Variants in CASKIN2 observed in about 807,000 individuals in gnomAD.
CASKIN2 encodes CASK interacting protein 2.
Under a neutral mutation model 107.1 loss-of-function variants are expected in CASKIN2, and 41 were observed. That is an observed-to-expected ratio of 0.38 (90% CI 0.30 to 0.50). The LOEUF is 0.50. Among genes scored for constraint, CASKIN2 ranks in the 20% least tolerant of loss-of-function variants. The pLI is 0.92. For missense variants in CASKIN2, 1,546 were observed against 1,657.4 expected (o/e 0.93, Z 1.17); for synonymous variants, 724 against 705.6 (o/e 1.03, Z -0.41).
At chr17:75,510,014 G>T in intron 2 of CASKIN2, 1 of 698,994 alleles carries the variant, frequency 1.4e-6, no homozygotes, top group Non-Finnish European at 1.8e-6. Flanking sequence ...TGGCAGGAGG[G>T]CAGAGGGTCC....
chr17:75,502,618 A>C lies in CASKIN2; in HGVS notation c.2456T>G (p.Val819Gly). ...GDAEGEAEGP[V>G]GSTLGSYATL... Reference sequence around the variant, plus strand: ...AGCATAACTGCCTAGGGTGCTGCCCACTGGCCCTTCGGCCTCCCCCTCAGC... The same window carrying C: ...AGCATAACTGCCTAGGGTGCTGCCCCCTGGCCCTTCGGCCTCCCCCTCAGC... Residue 819 changes from valine to glycine, a missense_variant, in exon 18 of 20, where the codon GTG (valine) becomes GGG (glycine). Around this residue, in one of 6 missense-constraint regions of CASKIN2, gnomAD observed 1,311 missense variants for 1,311.0 expected, o/e 1.00. Transcript: ENST00000321617. This position sits in a 1 kb window ranked among gnomAD's most constrained non-coding sequence, Gnocchi z 4.3. The C allele has an allele frequency of 1.2e-6, 2 of 1,604,590 alleles. No homozygotes were observed. Among genetic ancestry groups the C allele is most frequent in the Non-Finnish European group, 1.7e-6 (2 of 1,175,590 alleles).
chr17:75,503,602 G>T lies in CASKIN2; in HGVS notation c.1680+57C>A, dbSNP rs1001677464. 1.8e-5 allele frequency: 29 copies of T among 1,605,592 alleles called. No individual in the cohort carries two copies. The African/African-American group carries it at 3.1e-4, about 17-fold the overall frequency. On this transcript the variant is annotated intron_variant, in intron 16 of 19. Coordinates refer to ENST00000321617, the MANE Select transcript of CASKIN2 (RefSeq NM_020753.5). ...GCCAGAGGAGAAAAGGCACCGCAAA[G>T]CCACAGCTGAGGGTGACAGCACGTG... is the stretch of plus-strand genomic sequence containing the variant.
At chr17:75,513,579 G>A (rs1234740935) in intron 2 of CASKIN2, 132 bp downstream of exon 2, 1 of 751,074 alleles carries the variant, frequency 1.3e-6, no homozygotes, top group Non-Finnish European at 2.3e-6. Context: ...TCACACAGAG[G>A]CACTTCTTAC....
At position 75,506,436 on chromosome 17, in the gene CASKIN2, CG is replaced by C; in HGVS notation, c.618-24del. 2 of 1,462,086 alleles carry C rather than the reference CG, an allele frequency of 1.4e-6. No individual in the cohort carries two copies. The highest frequency in any genetic ancestry group is 1.8e-6 in the Non-Finnish European group (2 of 1,093,832). 90.6% of individuals were successfully genotyped at this position (1,462,086 alleles called of 1,614,324 possible). On this transcript the variant is annotated intron_variant, in intron 7 of 19. Coordinates refer to ENST00000321617, the MANE Select transcript of CASKIN2 (RefSeq NM_020753.5). This position sits in a 1 kb window ranked among gnomAD's most constrained non-coding sequence, Gnocchi z 4.8. ...TGCCTGCAGTGGACGGGGGGAGTCA[CG>C]GGGGAGGTGGCGTAGGAGGGGGTGC...
rs781765171 is a variant in CASKIN2, at chr17:75,506,436, C to G, written c.618-23G>C. ...TGCCTGCAGTGGACGGGGGGAGTCA[C>G]GGGGGAGGTGGCGTAGGAGGGGGTG... On this transcript the variant is annotated intron_variant, in intron 7 of 19. Coordinates refer to ENST00000321617, the MANE Select transcript of CASKIN2 (RefSeq NM_020753.5). The surrounding 1 kb of genome is among the most constrained non-coding windows in gnomAD (Gnocchi z 4.8). 5 of 1,462,064 alleles carry G rather than the reference C, an allele frequency of 3.4e-6. No homozygotes were observed. The African/African-American group carries it at 5.1e-5, about 15-fold the overall frequency. 90.6% of individuals were successfully genotyped at this position (1,462,064 alleles called of 1,614,324 possible). A position where few individuals can be genotyped will look rare whatever the true frequency, so the allele number is the denominator to read the frequency against.
At position 75,503,478 on chromosome 17, in the gene CASKIN2, T is replaced by C; in HGVS notation, c.1730A>G (p.Lys577Arg). 6.2e-7 allele frequency: 1 copy of C among 1,612,592 alleles called. No individual in the cohort carries two copies. The highest frequency in any genetic ancestry group is 8.5e-7 in the Non-Finnish European group (1 of 1,179,900). Reference protein sequence around the residue: ...LCALGLPQYHKQLVSSGYDSM... With the variant: ...LCALGLPQYHRQLVSSGYDSM... ...GTCGTAGCCGCTGCTCACCAGCTGC[T>C]TGTGGTACTGTGGCAGCCCCAGTGC... Residue 577 changes from lysine (K) to arginine (R), a missense_variant, in exon 17 of 20, where the codon AAG becomes AGG. Lys to Arg is a conservative substitution (Grantham distance 26). Coordinates refer to ENST00000321617, the MANE Select transcript of CASKIN2 (RefSeq NM_020753.5).
rs750001398 is a variant in CASKIN2 at position 75,505,907 on chromosome 17, C to T, written c.749G>A (p.Arg250Gln). The change falls in exon 9 of 20, where the codon CGG becomes CAG. Residue 250 changes from arginine (R) to glutamine (Q), a missense_variant. By Grantham distance (43) the Arg-to-Gln change is conservative. Transcript: ENST00000321617. The surrounding 1 kb of genome is among the most constrained non-coding windows in gnomAD (Gnocchi z 5.1). Reference protein sequence around the residue: ...LLEGGVDVNIRNTYNQTALDI... With the variant: ...LLEGGVDVNIQNTYNQTALDI... ...CAGCGCCGTCTGGTTATACGTATTC[C>T]GGATGTTCACGTCCACACCTCCCTG... 11 of 1,613,444 alleles carry T rather than the reference C, an allele frequency of 6.8e-6. No individual in the cohort carries two copies. The East Asian group carries it at 1.1e-4, about 16-fold the overall frequency.
In CASKIN2 at chr17:75,505,364, A is replaced by G; in HGVS notation, c.930+193T>C. ...AGTCACTTGAATTTCTCTTGATTTT[A>G]TTTTGTTTAATTCTCAATTTTGTCA... On this transcript the variant is annotated intron_variant, in intron 10 of 19. Transcript: ENST00000321617. This position sits in a 1 kb window ranked among gnomAD's most constrained non-coding sequence, Gnocchi z 5.1. 1 of 641,066 alleles carries G rather than the reference A, an allele frequency of 1.6e-6. No individual in the cohort carries two copies. Among genetic ancestry groups the G allele is most frequent in the South Asian group, 1.9e-5 (1 of 52,968 alleles). 39.7% of individuals were successfully genotyped at this position (641,066 alleles called of 1,614,324 possible).
At position 75,502,633 on chromosome 17, in the gene CASKIN2, T is replaced by A. The variant is rs1385718836; in HGVS notation, c.2441A>T (p.Glu814Val). ...GGTGCTGCCCACTGGCCCTTCGGCC[T>A]CCCCCTCAGCATCCCCCTCTGTGGG... ...PGPTEGDAEG[E>V]AEGPVGSTLG... Residue 814 changes from glutamate to valine, a missense_variant, in exon 18 of 20, where the codon GAG becomes GTG. Physicochemically the swap from Glu to Val is moderately radical, Grantham distance 121. Transcript: ENST00000321617. The surrounding 1 kb of genome is among the most constrained non-coding windows in gnomAD (Gnocchi z 4.3). 4 of 1,600,598 alleles carry A rather than the reference T, an allele frequency of 2.5e-6. 1 individual carries two copies. In the South Asian group the frequency reaches 4.5e-5, roughly 18 times the overall value.
intron 1 of CASKIN2, 132 bp from the exon 2 acceptor site, chr17:75,514,340 A>T: frequency 2.8e-6 from 1 of 356,174 alleles, no homozygotes; most frequent in Non-Finnish European, 5.0e-6. Flanking sequence ...CTCGGAGTCG[A>T]TGGTGATGCT....
rs1272573389 is a variant in CASKIN2, at chr17:75,502,906, T to G, written c.2168A>C (p.Asp723Ala). 1 of 1,548,222 alleles carries G rather than the reference T, an allele frequency of 6.5e-7. No individual in the cohort carries two copies. The highest frequency in any genetic ancestry group is 8.7e-7 in the Non-Finnish European group (1 of 1,146,444). Residue 723 changes from aspartate (D) to alanine (A), a missense_variant, in exon 18 of 20, where the codon GAT becomes GCT. By Grantham distance (126) the Asp-to-Ala change is moderately radical. Around this residue, in one of 6 missense-constraint regions of CASKIN2, gnomAD observed 1,311 missense variants for 1,311.0 expected, o/e 1.00. Coordinates refer to ENST00000321617, the MANE Select transcript of CASKIN2 (RefSeq NM_020753.5). The surrounding 1 kb of genome is among the most constrained non-coding windows in gnomAD (Gnocchi z 4.3). ...GTTCCTCTCCTGGGGGGGGCTGGGA[T>G]CTCCACCGCTGGGCTGTGGGGCAGG... ...EQPAPQPSGG[D>A]PSPPQERNLP...
At position 75,506,067 on chromosome 17, in the gene CASKIN2, C is replaced by G; in HGVS notation, c.727-138G>C. 2.5e-6 allele frequency: 2 copies of G among 795,578 alleles called. No individual in the cohort carries two copies. The highest frequency in any genetic ancestry group is 4.0e-6 in the Non-Finnish European group (2 of 499,306). The allele number at this position is 795,578 out of a possible 1,614,324, so 49.3% of individuals were successfully genotyped here. A position where few individuals can be genotyped will look rare whatever the true frequency, so the allele number is the denominator to read the frequency against. On this transcript the variant is annotated intron_variant, in intron 8 of 19. Transcript: ENST00000321617. The surrounding 1 kb of genome is among the most constrained non-coding windows in gnomAD (Gnocchi z 4.8). The stretch of plus-strand genomic sequence containing the variant: ...GGACATAGAGGCTCAGGGACTCAGT[C>G]AAGGACAAGCTCAAGTTCACTCAGC...
Position 75,505,087 on chromosome 17 carries a change from T to TG in CASKIN2, c.931-15dup, listed in dbSNP as rs768558063. 1.0e-6 allele frequency: 1 copy of TG among 1,002,782 alleles called. No individual in the cohort carries two copies. 62.1% of individuals were successfully genotyped at this position (1,002,782 alleles called of 1,614,324 possible). On this transcript the variant is annotated splice_polypyrimidine_tract_variant and intron_variant, in intron 10 of 19. Transcript: ENST00000321617. This position sits in a 1 kb window ranked among gnomAD's most constrained non-coding sequence, Gnocchi z 5.1. ...CTGTTCTAGCACCTGCGGCCAGGGG[T>TG]GGGGGGCGGGGACGGTCACTCCCAG...
At position 75,507,518 on chromosome 17, in the gene CASKIN2, G is replaced by A. The variant is rs2053278161; in HGVS notation, c.244+66C>T. The A allele has an allele frequency of 5.5e-5, 65 of 1,182,170 alleles. 1 individual carries two copies. In the South Asian group the frequency reaches 7.8e-4, roughly 14 times the overall value. 73.2% of individuals were successfully genotyped at this position (1,182,170 alleles called of 1,614,324 possible). A position where few individuals can be genotyped will look rare whatever the true frequency, so the allele number is the denominator to read the frequency against. On this transcript the variant is annotated intron_variant, in intron 4 of 19. Transcript: ENST00000321617. ...TACGTTGTCATAGGAGCAAGCTCTG[G>A]TCCCAGGGTCTGGGTAGGGCCCCTA...
intron 1 of CASKIN2, among the ~76,000 whole-genome samples, chr17:75,514,843 T>C (rs978852016): frequency 6.6e-6 from 1 of 152,084 alleles, no homozygotes; most frequent in African/African-American, 2.4e-5. Context: ...GAGGAGCAGC[T>C]GGGCAGAGAA....
In CASKIN2 at chr17:75,504,246, T is replaced by A. The variant is rs372464278; in HGVS notation, c.1436A>T (p.Asp479Val). 1.9e-6 allele frequency: 3 copies of A among 1,580,618 alleles called. No individual in the cohort carries two copies. Among genetic ancestry groups the A allele is most frequent in the African/African-American group, 2.8e-5 (2 of 72,108 alleles). The change falls in exon 14 of 20, where the codon GAC becomes GTC. Residue 479 changes from aspartate (D) to valine (V), a missense_variant. By Grantham distance (152) the Asp-to-Val change is radical. Transcript: ENST00000321617. ...CRSGEQIFTQ[D>V]VRPEQLLEGK... ...CTCCAGCAGCTGTTCTGGCCGCACG[T>A]CCTGGGTGAAGATCTGCTCCCCAGA...
rs1388199102 is a variant in CASKIN2, at chr17:75,506,577, G to A, written c.617+6C>T. 6.2e-7 allele frequency: 1 copy of A among 1,612,716 alleles called. No individual in the cohort carries two copies. Among genetic ancestry groups the A allele is most frequent in the Non-Finnish European group, 8.5e-7 (1 of 1,179,698 alleles). ...TGATGAGGAAGCGAGGGGACCCCAA[G>A]GGTACCTGATGACTTCTCTGTGGCC... On this transcript the variant is annotated splice_donor_region_variant and intron_variant, in intron 7 of 19. Transcript: ENST00000321617. The surrounding 1 kb of genome is among the most constrained non-coding windows in gnomAD (Gnocchi z 4.8).
At chr17:75,511,059 CT>C (rs149349828) in intron 2 of CASKIN2, among the ~76,000 whole-genome samples, 198 of 115,076 alleles carry the variant, frequency 1.7e-3, no homozygotes, top group Admixed American at 3.2e-3. Context: ...TTTCCCTGTC[CT>C]TTTTTTTTTT....
At position 75,502,023 on chromosome 17, in the gene CASKIN2, G is replaced by C; in HGVS notation, c.3051C>G (p.Gly1017=). The C allele has an allele frequency of 6.2e-7, 1 of 1,612,604 alleles. No homozygotes were observed. The highest frequency in any genetic ancestry group is 8.5e-7 in the Non-Finnish European group (1 of 1,179,838). ...LAFGVASATP[G]PAAPLPSPTP... is the part of the protein sequence containing the mutation. The stretch of plus-strand genomic sequence containing the variant: ...TTGGGGAAGGCAGTGGGGCAGCGGG[G>C]CCAGGCGTGGCACTGGCCACTCCGA... The change falls in exon 18 of 20, where the codon GGC becomes GGG. Residue 1017 remains glycine, a synonymous_variant. Coordinates refer to ENST00000321617, the MANE Select transcript of CASKIN2 (RefSeq NM_020753.5). This position sits in a 1 kb window ranked among gnomAD's most constrained non-coding sequence, Gnocchi z 4.3.
Sources: allele counts gnomAD v4.1 joint callset (sites outside exome capture counted in the v4.1 genomes callset), GRCh38; gene constraint gnomAD v4.1.1; regional missense constraint gnomAD v4.1.1; non-coding constraint Gnocchi (gnomAD v3.1); transcripts MANE v1.5; gene names NCBI Gene and HGNC (gene_info 2026-07-23, HGNC 2026-07-21).